PIK3C2B: variants seen among roughly 807,000 people sequenced by gnomAD.
PIK3C2B encodes the protein phosphatidylinositol 4-phosphate 3-kinase C2 domain-containing subunit beta.
In PIK3C2B, 83 loss-of-function variants were observed where a neutral mutation model predicts 184.3. That is an observed-to-expected ratio of 0.45 (90% CI 0.38 to 0.54). The LOEUF (loss-of-function observed/expected upper bound fraction) is 0.54. PIK3C2B is among the 20% of genes least tolerant of loss of function. The pLI is 0.00. For missense variants in PIK3C2B, 1,736 were observed against 2,113.5 expected, an observed-to-expected ratio of 0.82 and a Z score of 3.50; for synonymous variants, 779 against 837.6, an observed-to-expected ratio of 0.93 and a Z score of 1.21.
chr1:204,477,754 C>T (rs995510091), intron 1 of PIK3C2B, among the ~76,000 whole-genome samples: 1 of 152,188 alleles, frequency 6.6e-6, no homozygotes, highest in Non-Finnish European at 1.5e-5. Flanking sequence ...GTCATCTCTT[C>T]CCCATACCCT....
In PIK3C2B at chr1:204,438,990, C is replaced by T. The variant is rs1358585648; in HGVS notation, c.3461G>A (p.Arg1154Gln). The T allele has an allele frequency of 1.9e-6, 3 of 1,613,988 alleles. No homozygotes were observed. The highest frequency in any genetic ancestry group is 1.3e-5 in the African/African-American group (1 of 74,916). Residue 1154 changes from arginine to glutamine, a missense_variant, in exon 23 of 33, where the codon CGG becomes CAG. Physicochemically the swap from Arg to Gln is conservative, Grantham distance 43 (BLOSUM62 1). Transcript: ENST00000684373. ...TTTCTGCAGCCAGTCTGCCAGGGGCCGGTCCTTGAACGAGCCGGTCACCCC... is the reference window on the plus strand; with the variant it reads ...TTTCTGCAGCCAGTCTGCCAGGGGCTGGTCCTTGAACGAGCCGGTCACCCC... ...EHGVTGSFKD[R>Q]PLADWLQKHN...
chr1:204,487,248 G>A (rs1657671766), intron 1 of PIK3C2B, among the ~76,000 whole-genome samples: 1 of 152,190 alleles, frequency 6.6e-6, no homozygotes, highest in Admixed American at 6.5e-5. Context: ...TAGGACTACA[G>A]GTGCACACCA....
chr1:204,438,895 A>G lies in PIK3C2B; in HGVS notation c.3516+40T>C, dbSNP rs767848945. The G allele has an allele frequency of 1.3e-5, 20 of 1,519,436 alleles. No homozygotes were observed. In the East Asian group the frequency reaches 4.2e-4, roughly 32 times the overall value. The allele number at this position is 1,519,436 out of a possible 1,614,324, so 94.1% of individuals were successfully genotyped here. On this transcript the variant is annotated intron_variant, in intron 23 of 32. Transcript: ENST00000684373. ...AAAGAGCTGTGTGCCGGCATCAGGC[A>G]CACACACACACCAGACGCACTCCCC...
intron 10 of PIK3C2B, 47 bp from the exon 11 acceptor site, chr1:204,456,098 G>T: frequency 6.6e-7 from 1 of 1,506,810 alleles, no homozygotes; most frequent in Non-Finnish European, 9.1e-7. Context: ...GCCTCCACAA[G>T]CCCTACCTTG....
chr1:204,433,331 GT>G lies in PIK3C2B; in HGVS notation c.3937del (p.Thr1313LeufsTer7). ...LRPQDTEANA[T>X]TYFTRLIESS... Reference sequence around the variant, plus strand: ...ATCATTTTACCTAGTGAAGTAGGTAGTGGCATTGGCCTCTGTATCCTGAGGC... The same window carrying G: ...ATCATTTTACCTAGTGAAGTAGGTAGGGCATTGGCCTCTGTATCCTGAGGC... On this transcript the variant is annotated frameshift_variant, in exon 26 of 33. Coordinates refer to ENST00000684373, the MANE Select transcript of PIK3C2B (RefSeq NM_001377334.1). LOFTEE classifies it high-confidence loss of function. The surrounding 1 kb of genome is among the most constrained non-coding windows in gnomAD (Gnocchi z 5.0). The G allele has an allele frequency of 6.3e-7, 1 of 1,580,886 alleles. No individual in the cohort carries two copies. The highest frequency in any genetic ancestry group is 1.1e-5 in the South Asian group (1 of 90,360).
intron 1 of PIK3C2B, among the ~76,000 whole-genome samples, chr1:204,491,282 G>A (rs1410949235): frequency 2.0e-5 from 3 of 151,988 alleles, no homozygotes; most frequent in Admixed American, 1.3e-4. Flanking sequence ...CCAGCTACTC[G>A]GGAGGCTGAA....
rs570297281 is a variant in PIK3C2B, at chr1:204,478,556, G to A, written c.-84-8670C>T. Among the ~76,000 whole-genome samples the A allele has an allele frequency of 9.2e-5, 14 of 152,314 alleles. No individual in the cohort carries two copies. The South Asian group carries it at 2.3e-3, about 25-fold the overall frequency. ...TTACAGAATCACATGCATCCATAAG[G>A]TCTTTCTCTTCTCTAGTGTGCGTGC... On this transcript the variant is annotated intron_variant, in intron 1 of 32. Transcript: ENST00000684373.
Position 204,442,529 on chromosome 1 carries a change from G to T in PIK3C2B, c.3153C>A (p.Pro1051=). ...CCCAAACCTACCAGTCACTCACCCT[G>T]GGCACAATTCCCTTAACCAGCAGAC... ...SPSLLVKGIV[P]RDCSYFNSNA... Residue 1051 remains proline, a synonymous_variant, in exon 20 of 33, where the codon CCC becomes CCA. Transcript: ENST00000684373. 6.5e-7 allele frequency: 1 copy of T among 1,550,048 alleles called. No homozygotes were observed. The highest frequency in any genetic ancestry group is 2.4e-5 in the East Asian group (1 of 41,034).
At chr1:204,466,650 G>C (rs915089726) in intron 2 of PIK3C2B, 1 of 386,096 alleles carries the variant, frequency 2.6e-6, no homozygotes, top group Non-Finnish European at 5.2e-6. Context: ...GAAAGAGAGA[G>C]AGACAGTGGG....
rs752871853 is a variant in PIK3C2B at position 204,433,940 on chromosome 1, G to C, written c.3696C>G (p.Ala1232=). The change falls in exon 25 of 33, where the codon GCC becomes GCG. Residue 1232 remains alanine (A), a synonymous_variant. Transcript: ENST00000684373. This position sits in a 1 kb window ranked among gnomAD's most constrained non-coding sequence, Gnocchi z 5.0. ...CCATGTCCGAGGTGAAGACAAAGGGGGCACGGTCCCTGAGCCAAGGGGAAC... is the reference window on the plus strand; with the variant it reads ...CCATGTCCGAGGTGAAGACAAAGGGCGCACGGTCCCTGAGCCAAGGGGAAC... The part of the protein sequence containing the change: ...QMFGNIKRDR[A]PFVFTSDMAY... The C allele has an allele frequency of 1.3e-5, 21 of 1,613,708 alleles. No individual in the cohort carries two copies. The highest frequency in any genetic ancestry group is 3.3e-5 in the Admixed American group (2 of 59,986).
Position 204,425,635 on chromosome 1 carries a change from C to T in PIK3C2B, c.4694G>A (p.Cys1565Tyr). 1.2e-6 allele frequency: 2 copies of T among 1,614,122 alleles called. No individual in the cohort carries two copies. Among genetic ancestry groups the T allele is most frequent in the Non-Finnish European group, 1.7e-6 (2 of 1,180,020 alleles). The change falls in exon 32 of 33, where the codon TGC becomes TAC. Residue 1565 changes from cysteine (C) to tyrosine (Y), a missense_variant. By Grantham distance (194) the Cys-to-Tyr change is radical. This residue lies in a region of PIK3C2B where 95 missense variants were observed against 164.2 expected (regional missense o/e 0.58). Transcript: ENST00000684373. ...CACCATCTCATTGTAGGTAGGATTG[C>T]AGGTTTTCCGGGCCACTTTGGTTTT... ...KRKTKVARKT[C>Y]NPTYNEMLVY...
intron 22 of PIK3C2B, 61 bp from the exon 23 acceptor site, chr1:204,439,132 G>A: frequency 6.5e-7 from 1 of 1,544,980 alleles, no homozygotes; most frequent in Non-Finnish European, 8.9e-7. Flanking sequence ...GCAGGGAGAG[G>A]ACTACAAGGA....
chr1:204,452,574 G>T (rs1300377792), intron 12 of PIK3C2B, among the ~76,000 whole-genome samples: 1 of 150,990 alleles, frequency 6.6e-6, no homozygotes, highest in East Asian at 2.0e-4. Context: ...ATTTAATGCA[G>T]CTATCCTCTG....
rs1300737847 is a variant in PIK3C2B, at chr1:204,444,366, C to T, written c.2737G>A (p.Ala913Thr). 1 of 1,613,998 alleles carries T rather than the reference C, an allele frequency of 6.2e-7. No homozygotes were observed. The highest frequency in any genetic ancestry group is 1.7e-5 in the Admixed American group (1 of 60,016). Reference sequence around the variant, plus strand: ...TGGGGCAGGTAGTCTAGCAGCTCAGCATCTGAGAGTGAGCCAATCCACTGC... The same window carrying T: ...TGGGGCAGGTAGTCTAGCAGCTCAGTATCTGAGAGTGAGCCAATCCACTGC... ...AVQWIGSLSD[A>T]ELLDYLPQLV... The change falls in exon 17 of 33, where the codon GCT (alanine) becomes ACT (threonine). Residue 913 changes from alanine to threonine, a missense_variant. Physicochemically the swap from Ala to Thr is moderately conservative, Grantham distance 58 (BLOSUM62 0). Coordinates refer to ENST00000684373, the MANE Select transcript of PIK3C2B (RefSeq NM_001377334.1).
At chr1:204,441,919 A>G (rs890476215) in intron 20 of PIK3C2B, among the ~76,000 whole-genome samples, 6 of 152,180 alleles carry the variant, frequency 3.9e-5, no homozygotes, top group African/African-American at 1.4e-4. Context: ...ACATCCTAAG[A>G]GTTGTGAAGA....
chr1:204,429,275 G>GA (rs963034436), intron 29 of PIK3C2B, among the ~76,000 whole-genome samples: 5 of 146,392 alleles, frequency 3.4e-5, no homozygotes, highest in East Asian at 3.9e-4. Context: ...CATTAATGGG[G>GA]AAAAAAAACA....
chr1:204,439,173 G>T, intron 22 of PIK3C2B, 102 bp from the exon 23 acceptor site: 1 of 1,201,612 alleles, frequency 8.3e-7, no homozygotes, highest in Non-Finnish European at 1.2e-6. Context: ...AAATTAAGCT[G>T]TAAGGCATTT....
At chr1:204,459,083 T>G (rs1190794092) in intron 8 of PIK3C2B, among the ~76,000 whole-genome samples, 1 of 24,480 alleles carries the variant, frequency 4.1e-5, no homozygotes, top group Non-Finnish European at 1.7e-3. Flanking sequence ...GGTGTGATCA[T>G]AGCTCACTAC....
In PIK3C2B at chr1:204,456,348, T is replaced by C. The variant is rs61762605; in HGVS notation, c.1748-297A>G. 1,589 of 253,636 alleles carry C rather than the reference T, an allele frequency of 6.3e-3. 25 individuals are homozygous for C. Among genetic ancestry groups the C allele is most frequent in the African/African-American group, 0.03 (1,372 of 45,298 alleles). 15.7% of individuals were successfully genotyped at this position (253,636 alleles called of 1,614,324 possible). On this transcript the variant is annotated intron_variant, in intron 10 of 32. Coordinates refer to ENST00000684373, the MANE Select transcript of PIK3C2B (RefSeq NM_001377334.1). Reference sequence around the variant, plus strand: ...TAGGAAACAGTGTTAATAATTATTGTCAGTTGCTTCAAAAAAGCAAAAGTC... The same window carrying C: ...TAGGAAACAGTGTTAATAATTATTGCCAGTTGCTTCAAAAAAGCAAAAGTC...
Sources: gnomAD v4.1 joint callset for allele counts (sites outside exome capture counted in the v4.1 genomes callset) on GRCh38, gnomAD v4.1.1 for gene constraint, gnomAD v4.1.1 regional missense constraint, Gnocchi (gnomAD v3.1) non-coding constraint, MANE v1.5 for transcripts, NCBI Gene and HGNC (gene_info 2026-07-23, HGNC 2026-07-21) for gene names.